The following CFAP299 variants were observed in gnomAD, a reference collection of about 807,000 sequenced individuals.
The protein encoded by CFAP299 is cilia and flagella associated protein 299.
CFAP299 carries 21 observed loss-of-function variants against 27.0 expected under a neutral mutation model. The observed-to-expected ratio is 0.78, with a 90% CI of 0.55 to 1.12. The LOEUF (loss-of-function observed/expected upper bound fraction) is 1.12, where lower values mean the gene tolerates loss of function less well. Ranked by LOEUF, CFAP299 falls within the 50% of genes most tolerant of loss-of-function variation. The pLI is 0.00. For missense variants in CFAP299, 310 were observed against 276.6 expected, an observed-to-expected ratio of 1.12 and a Z score of -0.86; for synonymous variants, 104 against 98.1, an observed-to-expected ratio of 1.06 and a Z score of -0.36.
chr4:80,823,364 C>A (rs989912601), intron 3 of CFAP299, among the ~76,000 whole-genome samples: 53 of 152,234 alleles, frequency 3.5e-4, no homozygotes, highest in African/African-American at 1.2e-3. Context: ...ACAGCATTTC[C>A]CCCATTTTTA....
the CFAP299 span, among the ~76,000 whole-genome samples, chr4:80,328,730 C>T: frequency 4.6e-5 from 7 of 152,066 alleles, no homozygotes; most frequent in Non-Finnish European, 1.0e-4. Flanking sequence ...GACAAAATTC[C>T]ACTGTTTTCC....
At position 80,349,526 on chromosome 4, in the gene CFAP299, T is replaced by C. The variant is rs190596636; in HGVS notation, c.112-13228T>C. Among the ~76,000 whole-genome samples the C allele has an allele frequency of 6.2e-3, 950 of 152,296 alleles. 2 individuals carry two copies. The highest frequency in any genetic ancestry group is 0.024 in the Middle Eastern group (7 of 294). On this transcript the variant is annotated intron_variant, in intron 1 of 5. Transcript: ENST00000358105. ...TAAAAAGCAAAACAAAGTAGAAAGC[T>C]GAAGACTAATTTTACTTATGAACTG...
At chr4:80,445,877 A>G (rs890984367) in intron 2 of CFAP299, among the ~76,000 whole-genome samples, 2 of 152,214 alleles carry the variant, frequency 1.3e-5, no homozygotes, top group Non-Finnish European at 2.9e-5. Context: ...AATATGGTTT[A>G]TTACAGTAAT....
chr4:80,663,449 T>C (rs1740972482), intron 3 of CFAP299, among the ~76,000 whole-genome samples: 1 of 152,228 alleles, frequency 6.6e-6, no homozygotes, highest in African/African-American at 2.4e-5. Flanking sequence ...TCCATGTCCC[T>C]GCAAAGGACA....
At chr4:80,892,793 AAGCTTT>A (rs1734374642) in intron 4 of CFAP299, among the ~76,000 whole-genome samples, 1 of 152,108 alleles carries the variant, frequency 6.6e-6, no homozygotes, top group South Asian at 2.1e-4. Flanking sequence ...GAAAAACCGA[AAGCTTT>A]TCCTCCAAGA....
chr4:80,829,230 C>CA (rs1011545496), intron 3 of CFAP299, among the ~76,000 whole-genome samples: 15 of 151,498 alleles, frequency 9.9e-5, no homozygotes, highest in Non-Finnish European at 1.8e-4. Flanking sequence ...AACTCAACAA[C>CA]AAAAAAACAA....
intron 3 of CFAP299, among the ~76,000 whole-genome samples, chr4:80,864,883 G>C (rs772693109): frequency 7.9e-5 from 12 of 152,014 alleles, no homozygotes; most frequent in Non-Finnish European, 1.3e-4. Context: ...CACCAATTTA[G>C]GTATTATTAT....
chr4:80,667,382 C>T (rs953249381), intron 3 of CFAP299, among the ~76,000 whole-genome samples: 1 of 152,112 alleles, frequency 6.6e-6, no homozygotes, highest in Admixed American at 6.6e-5. Flanking sequence ...AAATATACAA[C>T]AGATTATTAT....
At chr4:80,576,572 G>C (rs2109862137) in intron 2 of CFAP299, among the ~76,000 whole-genome samples, 1 of 152,098 alleles carries the variant, frequency 6.6e-6, no homozygotes, top group Non-Finnish European at 1.5e-5. Flanking sequence ...ATATACAAAT[G>C]GTTCTGTCAG....
At chr4:80,903,472 C>T (rs1320342397) in intron 4 of CFAP299, among the ~76,000 whole-genome samples, 1 of 151,886 alleles carries the variant, frequency 6.6e-6, no homozygotes, top group African/African-American at 2.4e-5. Flanking sequence ...ATAAAGACAA[C>T]CTCTATTGAA....
At chr4:80,714,820 C>T (rs1031020160) in intron 3 of CFAP299, among the ~76,000 whole-genome samples, 1 of 152,044 alleles carries the variant, frequency 6.6e-6, no homozygotes, top group Non-Finnish European at 1.5e-5. Flanking sequence ...CAGAATTTCT[C>T]ATTACTTCCA....
At chr4:80,326,503 T>C in the CFAP299 span, among the ~76,000 whole-genome samples, 1 of 152,140 alleles carries the variant, frequency 6.6e-6, no homozygotes, top group Non-Finnish European at 1.5e-5. Context: ...GTCGCTACAG[T>C]GGTGTGATGC....
intron 4 of CFAP299, chr4:80,871,071 T>A: frequency 2.2e-6 from 1 of 450,976 alleles, no homozygotes; most frequent in Non-Finnish European, 2.9e-6. Flanking sequence ...CACGTCTGGA[T>A]ACTTTTTGTA....
chr4:80,402,051 CA>C (rs1313953191), intron 2 of CFAP299, among the ~76,000 whole-genome samples: 1 of 152,160 alleles, frequency 6.6e-6, no homozygotes, highest in Non-Finnish European at 1.5e-5. Context: ...TTTGGAATGG[CA>C]ATATTTACCC....
At chr4:80,746,968 C>A (rs1004882249) in intron 3 of CFAP299, among the ~76,000 whole-genome samples, 5 of 151,854 alleles carry the variant, frequency 3.3e-5, no homozygotes, top group African/African-American at 1.2e-4. Context: ...TAAGGATTGG[C>A]CTTTGTATCC....
chr4:80,559,696 A>C (rs1312213007), intron 2 of CFAP299, among the ~76,000 whole-genome samples: 2 of 152,214 alleles, frequency 1.3e-5, no homozygotes, highest in Non-Finnish European at 2.9e-5. Flanking sequence ...ATTGTGAGGC[A>C]TTGAACTCAT....
intron 3 of CFAP299, among the ~76,000 whole-genome samples, chr4:80,793,020 A>C (rs1204656336): frequency 2.0e-5 from 3 of 152,090 alleles, no homozygotes; most frequent in Non-Finnish European, 4.4e-5. Flanking sequence ...TTCATATGCT[A>C]AATAAATGAA....
At chr4:80,401,507 C>A (rs1361850223) in intron 2 of CFAP299, among the ~76,000 whole-genome samples, 1 of 152,208 alleles carries the variant, frequency 6.6e-6, no homozygotes, top group African/African-American at 2.4e-5. Flanking sequence ...TTGGCAGCTT[C>A]CACATGGTGT....
intron 2 of CFAP299, among the ~76,000 whole-genome samples, chr4:80,501,279 T>C (rs1731729688): frequency 6.6e-6 from 1 of 151,796 alleles, no homozygotes; most frequent in South Asian, 2.1e-4. Context: ...AAAATGGAAT[T>C]GGTATACTAT....
Sources: allele counts gnomAD v4.1 joint callset (sites outside exome capture counted in the v4.1 genomes callset), GRCh38; gene constraint gnomAD v4.1.1; transcripts MANE v1.5; gene names NCBI Gene and HGNC (gene_info 2026-07-23, HGNC 2026-07-21).